Variants in CCDC169 observed in about 807,000 individuals in gnomAD.
The protein encoded by CCDC169 is coiled-coil domain-containing protein 169.
Under a neutral mutation model 36.0 loss-of-function variants are expected in CCDC169, and 30 were observed. The observed-to-expected ratio is 0.83, with a 90% CI of 0.62 to 1.13. The LOEUF is 1.13. CCDC169 is among the 50% of genes most tolerant of loss of function. The pLI, the probability that CCDC169 is intolerant of heterozygous loss-of-function variation, is 0.00. For missense variants in CCDC169, 245 were observed against 245.9 expected, an observed-to-expected ratio of 1.00 and a Z score of 0.03; for synonymous variants, 85 against 81.5, an observed-to-expected ratio of 1.04 and a Z score of -0.23.
downstream of CCDC169, chr13:36,222,516 T>C (rs549641086): frequency 6.6e-6 from 1 of 152,216 alleles, no homozygotes; most frequent in African/African-American, 2.4e-5. Flanking sequence ...AACTAGCCAG[T>C]GTTGAGTGTC....
chr13:36,252,098 G>A (rs898412171), intron 6 of CCDC169, among the ~76,000 whole-genome samples: 1 of 152,130 alleles, frequency 6.6e-6, no homozygotes, highest in African/African-American at 2.4e-5. Flanking sequence ...TTTTCATCAT[G>A]TCATGGCCCC....
chr13:36,286,517 G>T (rs138763403), intron 2 of CCDC169, among the ~76,000 whole-genome samples: 1 of 151,998 alleles, frequency 6.6e-6, no homozygotes, highest in African/African-American at 2.4e-5. Context: ...GAGGGATTTC[G>T]GAGTCTACAC....
At chr13:36,225,745 C>G (rs1869842388), downstream of CCDC169, 2 of 151,604 alleles carry the variant, frequency 1.3e-5, no homozygotes, top group Admixed American at 1.3e-4. Context: ...ACTCAGCAAG[C>G]AAAAAATAAC....
intron 7 of CCDC169, among the ~76,000 whole-genome samples, chr13:36,243,806 CAATA>C (rs895223047): frequency 6.6e-6 from 1 of 152,040 alleles, no homozygotes; most frequent in South Asian, 2.1e-4. Context: ...AACTCCATCT[CAATA>C]AATAAATAAA....
chr13:36,231,349 C>T, intron 7 of CCDC169, 57 bp from the exon 8 acceptor site: 3 of 1,481,830 alleles, frequency 2.0e-6, no homozygotes, highest in Non-Finnish European at 2.8e-6. Flanking sequence ...ACAACAAAAA[C>T]ATTATAGGCC....
chr13:36,290,856 AG>A (rs751960652), intron 2 of CCDC169, among the ~76,000 whole-genome samples: 42 of 152,202 alleles, frequency 2.8e-4, no homozygotes, highest in Non-Finnish European at 1.9e-4. Flanking sequence ...CCTTGGCAAT[AG>A]GGGTCCCACT....
At chr13:36,296,043 T>C (rs951320265) in intron 1 of CCDC169, among the ~76,000 whole-genome samples, 186 bp from the exon 2 acceptor site, 3 of 152,150 alleles carry the variant, frequency 2.0e-5, no homozygotes, top group Non-Finnish European at 2.9e-5. Context: ...GACTCAAATA[T>C]GCACTAAAGC....
At chr13:36,281,562 T>C (rs1406134805) in intron 4 of CCDC169, among the ~76,000 whole-genome samples, 1 of 152,170 alleles carries the variant, frequency 6.6e-6, no homozygotes, top group Non-Finnish European at 1.5e-5. Flanking sequence ...GAACTTTACA[T>C]TTCAAAATGG....
intron 2 of CCDC169, among the ~76,000 whole-genome samples, chr13:36,291,861 A>T (rs1296876451): frequency 1.3e-5 from 2 of 152,214 alleles, no homozygotes; most frequent in Non-Finnish European, 2.9e-5. Flanking sequence ...TGATTTAAAA[A>T]AATATATTGG....
chr13:36,284,075 T>C (rs1566087980), intron 2 of CCDC169, among the ~76,000 whole-genome samples: 1 of 151,974 alleles, frequency 6.6e-6, no homozygotes, highest in South Asian at 2.1e-4. Context: ...ATAATATCCA[T>C]ATATTTCATA....
chr13:36,245,389 T>C (rs1303981707), intron 7 of CCDC169, among the ~76,000 whole-genome samples: 1 of 152,054 alleles, frequency 6.6e-6, no homozygotes, highest in African/African-American at 2.4e-5. Context: ...AGCCTTGAAC[T>C]CCTGGGCTCA....
intron 2 of CCDC169, among the ~76,000 whole-genome samples, chr13:36,284,433 G>A (rs1877923998): frequency 6.6e-6 from 1 of 152,182 alleles, no homozygotes; most frequent in South Asian, 2.1e-4. Context: ...AGATGACAGA[G>A]CTAATAAATA....
chr13:36,252,588 T>C (rs908166270), intron 6 of CCDC169, among the ~76,000 whole-genome samples: 1 of 152,182 alleles, frequency 6.6e-6, no homozygotes, highest in African/African-American at 2.4e-5. Flanking sequence ...TTTTCGGCTC[T>C]TCCTCCCTTG....
At chr13:36,285,646 C>CATAG (rs1220884532) in intron 2 of CCDC169, among the ~76,000 whole-genome samples, 5 of 150,274 alleles carry the variant, frequency 3.3e-5, no homozygotes, top group Admixed American at 6.6e-5. Flanking sequence ...TACATAGATA[C>CATAG]ATAGATAGAT....
intron 7 of CCDC169, among the ~76,000 whole-genome samples, chr13:36,231,652 C>T (rs4390465): frequency 0.4 from 61,475 of 151,824 alleles, 13,199 homozygotes; most frequent in Non-Finnish European, 0.48. Context: ...TTATGTGGCA[C>T]TAAAAAGCCA....
intron 2 of CCDC169, among the ~76,000 whole-genome samples, chr13:36,293,470 T>C (rs937724521): frequency 1.3e-5 from 2 of 152,172 alleles, no homozygotes; most frequent in African/African-American, 4.8e-5. Context: ...AAAAGCAGTC[T>C]ACCTCTCCAG....
downstream of CCDC169, chr13:36,226,581 C>T (rs900690439): frequency 6.6e-6 from 1 of 152,120 alleles, no homozygotes. Context: ...AGGCTGGGGA[C>T]TCCTGATACA....
rs144318084 is a variant in CCDC169, at chr13:36,287,620, T to C, written c.164-3918A>G. 5.6e-4 allele frequency among the ~76,000 whole-genome samples: 85 copies of C among 152,344 alleles called. 2 individuals are homozygous for C. The East Asian group carries it at 0.014, about 26-fold the overall frequency. On this transcript the variant is annotated intron_variant, in intron 2 of 7. Coordinates refer to ENST00000239859, the MANE Select transcript of CCDC169 (RefSeq NM_001144981.3). ...GTTATCAAACTGGCTTATAAGTAAA[T>C]GAGTACTCAAAAATTAAGTCCAAAT...
chr13:36,230,812 A>C lies in CCDC169; in HGVS notation c.*381T>G. On this transcript the variant is annotated 3_prime_UTR_variant, in exon 8 of 8. Coordinates refer to ENST00000239859, the MANE Select transcript of CCDC169 (RefSeq NM_001144981.3). ...AACCTGCAATTTAAAAAACTGAGCAAGATCCAGCCCAAAATGGCAAAAAGG... is the reference window on the plus strand; with the variant it reads ...AACCTGCAATTTAAAAAACTGAGCACGATCCAGCCCAAAATGGCAAAAAGG... 1.0e-6 allele frequency: 1 copy of C among 989,234 alleles called. No homozygotes were observed. The highest frequency in any genetic ancestry group is 1.2e-6 in the Non-Finnish European group (1 of 832,634). 61.3% of individuals were successfully genotyped at this position (989,234 alleles called of 1,614,324 possible).
Sources: gnomAD v4.1 joint callset for allele counts (sites outside exome capture counted in the v4.1 genomes callset) on GRCh38, gnomAD v4.1.1 for gene constraint, MANE v1.5 for transcripts, NCBI Gene and HGNC (gene_info 2026-07-23, HGNC 2026-07-21) for gene names.